The following NPHP3 variants were observed in gnomAD, a reference collection of about 807,000 sequenced individuals.
NPHP3 encodes the protein nephrocystin 3, also known as nephrocystin-3.
In NPHP3, 123 loss-of-function variants were observed where a neutral mutation model predicts 171.9. The observed-to-expected ratio is 0.72, with a 90% confidence interval of 0.62 to 0.83. The LOEUF is 0.83. Among genes scored for constraint, NPHP3 ranks in the 40% least tolerant of loss-of-function variants. The pLI is 0.00. For missense variants in NPHP3, 1,506 were observed against 1,591.9 expected (o/e 0.95, Z 0.92); for synonymous variants, 558 against 579.2 (o/e 0.96, Z 0.52).
intron 6 of NPHP3, 42 bp from the exon 7 acceptor site, chr3:132,708,299 G>A (rs1438148634): frequency 1.3e-6 from 2 of 1,593,102 alleles, no homozygotes; most frequent in African/African-American, 2.7e-5. Flanking sequence ...ACTGCATTGT[G>A]GCAGCAAGCA....
intron 1 of NPHP3, chr3:132,721,651 C>A (rs868729764): frequency 3.8e-6 from 2 of 522,126 alleles, no homozygotes; most frequent in Middle Eastern, 4.3e-4. Flanking sequence ...AATAGAAAAG[C>A]GGGGACCAGG....
At chr3:132,686,704 T>C (rs1939171836) in intron 22 of NPHP3, among the ~76,000 whole-genome samples, 1 of 152,078 alleles carries the variant, frequency 6.6e-6, no homozygotes, top group Non-Finnish European at 1.5e-5. Context: ...GGTAAACACA[T>C]AAACATCAGG....
At chr3:132,691,876 A>C (rs1341849123) in intron 17 of NPHP3, among the ~76,000 whole-genome samples, 1 of 152,214 alleles carries the variant, frequency 6.6e-6, no homozygotes, top group African/African-American at 2.4e-5. Context: ...ATCTTGCCCA[A>C]GTTTAGATAG....
Position 132,722,356 on chromosome 3 carries a change from G to C in NPHP3, c.-1C>G. The C allele has an allele frequency of 6.3e-7, 1 of 1,576,852 alleles. No individual in the cohort carries two copies. The highest frequency in any genetic ancestry group is 8.5e-7 in the Non-Finnish European group (1 of 1,170,904). Reference sequence around the variant, plus strand: ...TCACGAGCGACGAGGCGGTCCCCATGGCGTCCGTTGCCGCTACTACCTAGT... The same window carrying C: ...TCACGAGCGACGAGGCGGTCCCCATCGCGTCCGTTGCCGCTACTACCTAGT... On this transcript the variant is annotated 5_prime_UTR_variant, in exon 1 of 27. Transcript: ENST00000337331.
At chr3:132,696,943 C>T (rs938673641) in intron 14 of NPHP3, 130 bp from the exon 15 acceptor site, 21 of 788,596 alleles carry the variant, frequency 2.7e-5, no homozygotes, top group Middle Eastern at 3.4e-4. Flanking sequence ...CGTGACATCA[C>T]AACATGCAGT....
intron 8 of NPHP3, among the ~76,000 whole-genome samples, chr3:132,704,694 A>G (rs1939700980): frequency 6.6e-6 from 1 of 152,258 alleles, no homozygotes; most frequent in Non-Finnish European, 1.5e-5. Context: ...GAATAGTTAT[A>G]AAGTACTAAT....
chr3:132,716,693 C>A, intron 4 of NPHP3, 64 bp downstream of exon 4: 1 of 1,553,288 alleles, frequency 6.4e-7, no homozygotes, highest in South Asian at 1.1e-5. Context: ...AGTTCCAGCA[C>A]AAGATTATAA....
At chr3:132,702,043 A>C (rs1170751384) in intron 9 of NPHP3, among the ~76,000 whole-genome samples, 1 of 152,088 alleles carries the variant, frequency 6.6e-6, no homozygotes, top group Admixed American at 6.5e-5. Flanking sequence ...ACAAACAAAC[A>C]AACAAACAAA....
intron 5 of NPHP3, among the ~76,000 whole-genome samples, chr3:132,714,554 C>CA (rs780932996): frequency 0.025 from 3,043 of 120,796 alleles, 88 homozygotes; most frequent in African/African-American, 0.089. Context: ...ACTTTCTCTG[C>CA]AAAAAAAAAA....
At chr3:132,699,472 T>C in intron 12 of NPHP3, 22 bp from the exon 13 acceptor site, 1 of 1,464,500 alleles carries the variant, frequency 6.8e-7, no homozygotes, top group Non-Finnish European at 9.5e-7. Flanking sequence ...AAAAACAAAA[T>C]TCAATCTATT....
At chr3:132,686,894 A>T (rs1939176899) in intron 22 of NPHP3, among the ~76,000 whole-genome samples, 2 of 152,334 alleles carry the variant, frequency 1.3e-5, no homozygotes, top group South Asian at 2.1e-4. Flanking sequence ...AACCCTTTAA[A>T]GAACTGAGGT....
Position 132,684,766 on chromosome 3 carries a change from A to G in NPHP3, c.3358T>C (p.Leu1120=), listed in dbSNP as rs1939113292. 6.2e-7 allele frequency: 1 copy of G among 1,613,844 alleles called. No individual in the cohort carries two copies. The highest frequency in any genetic ancestry group is 8.5e-7 in the Non-Finnish European group (1 of 1,179,996). The change falls in exon 24 of 27, where the codon TTA becomes CTA. Residue 1120 remains leucine (L), a synonymous_variant. Coordinates refer to ENST00000337331, the MANE Select transcript of NPHP3 (RefSeq NM_153240.5). ...CCTAGAACTCGCTCCCTCATTTCTA[A>G]GGAACGCTTCAGAAACTGGTCAGCT... ...ETADQFLKRS[L]EMRERVLGPD... is the part of the protein sequence containing the mutation.
chr3:132,700,508 A>G, intron 10 of NPHP3, 60 bp from the exon 11 acceptor site: 3 of 1,052,012 alleles, frequency 2.9e-6, no homozygotes, highest in Non-Finnish European at 4.3e-6. Flanking sequence ...GTCAATAAAA[A>G]AAGAATTCAC....
At position 132,687,159 on chromosome 3, in the gene NPHP3, CT is replaced by C; in HGVS notation, c.3192del (p.Gly1065AlafsTer16). 15 of 1,460,238 alleles carry C rather than the reference CT, an allele frequency of 1.0e-5. No homozygotes were observed. The highest frequency in any genetic ancestry group is 1.2e-5 in the Non-Finnish European group (13 of 1,042,668). 90.5% of individuals were successfully genotyped at this position (1,460,238 alleles called of 1,614,324 possible). ...FKIHQKAIKK[K>X]GNLYGFALLR... Reference sequence around the variant, plus strand: ...AAGAAATCTCTCCTTACCAAGTTGCCTTTTTTCTTTATAGCTTTCTGATGAA... The same window carrying C: ...AAGAAATCTCTCCTTACCAAGTTGCCTTTTTCTTTATAGCTTTCTGATGAA... On this transcript the variant is annotated frameshift_variant, in exon 22 of 27. Coordinates refer to ENST00000337331, the MANE Select transcript of NPHP3 (RefSeq NM_153240.5). LOFTEE classifies it high-confidence loss of function.
chr3:132,701,251 T>C (rs1254697605), intron 10 of NPHP3, among the ~76,000 whole-genome samples, 179 bp downstream of exon 10: 1 of 152,240 alleles, frequency 6.6e-6, no homozygotes, highest in African/African-American at 2.4e-5. Flanking sequence ...TCATTCTGTG[T>C]CTTCTCTCTA....
chr3:132,701,709 C>T (rs1939611339), intron 9 of NPHP3, among the ~76,000 whole-genome samples, 176 bp from the exon 10 acceptor site: 1 of 152,108 alleles, frequency 6.6e-6, no homozygotes, highest in South Asian at 2.1e-4. Flanking sequence ...AAAAACATGA[C>T]TGAACTAGTA....
chr3:132,684,957 C>A, intron 23 of NPHP3, 163 bp from the exon 24 acceptor site: 2 of 762,520 alleles, frequency 2.6e-6, no homozygotes, highest in Non-Finnish European at 4.2e-6. Context: ...CCACCCCTAT[C>A]TCTTCCTGCC....
At chr3:132,711,382 A>C (rs552398342) in intron 6 of NPHP3, among the ~76,000 whole-genome samples, 2 of 152,182 alleles carry the variant, frequency 1.3e-5, no homozygotes, top group Admixed American at 6.5e-5. Context: ...AATAAGAATA[A>C]AATTTTTAAA....
chr3:132,703,456 A>C (rs1157263391), intron 9 of NPHP3, among the ~76,000 whole-genome samples: 3 of 152,272 alleles, frequency 2.0e-5, no homozygotes, highest in African/African-American at 7.2e-5. Flanking sequence ...AGACTGATAA[A>C]GAAGGACTTA....
Sources: allele counts gnomAD v4.1 joint callset (sites outside exome capture counted in the v4.1 genomes callset), GRCh38; gene constraint gnomAD v4.1.1; transcripts MANE v1.5; gene names NCBI Gene and HGNC (gene_info 2026-07-23, HGNC 2026-07-21).